WDR7: variants seen among roughly 807,000 people sequenced by gnomAD.
WDR7 encodes the protein WD repeat domain 7, also known as WD repeat-containing protein 7.
WDR7 carries 46 observed loss-of-function variants against 169.4 expected under a neutral mutation model. The observed-to-expected ratio is 0.27, with a 90% CI of 0.21 to 0.35. The LOEUF is 0.35. Ranked by LOEUF, WDR7 falls within the 10% of genes least tolerant of loss-of-function variation. WDR7 has a pLI of 1.00. For missense variants in WDR7, 1,534 were observed against 1,859.3 expected (o/e 0.83, Z 3.22); for synonymous variants, 612 against 666.8 (o/e 0.92, Z 1.27).
At chr18:56,702,660 T>C (rs943512489) in intron 12 of WDR7, among the ~76,000 whole-genome samples, 1 of 152,216 alleles carries the variant, frequency 6.6e-6, no homozygotes, top group Non-Finnish European at 1.5e-5. Context: ...TGTGATACCA[T>C]TTATTTACAT....
intron 20 of WDR7, among the ~76,000 whole-genome samples, chr18:56,820,094 A>G (rs964409821): frequency 2.6e-5 from 4 of 151,960 alleles, no homozygotes; most frequent in African/African-American, 7.3e-5. Flanking sequence ...ATGGTACAGT[A>G]TAGCATTCTG....
intron 26 of WDR7, among the ~76,000 whole-genome samples, chr18:56,996,215 A>G (rs2047897293): frequency 6.6e-6 from 1 of 152,164 alleles, no homozygotes. Flanking sequence ...TTGTTCATCA[A>G]GCATCTACTG....
chr18:56,885,329 A>G (rs1251309871), intron 21 of WDR7, among the ~76,000 whole-genome samples: 1 of 152,162 alleles, frequency 6.6e-6, no homozygotes, highest in African/African-American at 2.4e-5. Context: ...TCAATTATTA[A>G]GCTAATCAAG....
intron 26 of WDR7, among the ~76,000 whole-genome samples, chr18:57,010,771 T>A (rs1157100286): frequency 6.6e-6 from 1 of 152,192 alleles, no homozygotes; most frequent in African/African-American, 2.4e-5. Context: ...AGTTCCTGAT[T>A]ATCTGCAGCA....
At chr18:56,932,153 T>G (rs1277356499) in intron 22 of WDR7, among the ~76,000 whole-genome samples, 1 of 152,298 alleles carries the variant, frequency 6.6e-6, no homozygotes, top group East Asian at 1.9e-4. Flanking sequence ...ACTTTTGCAC[T>G]GTGGATGCCA....
At chr18:56,867,656 A>C (rs1187332091) in intron 20 of WDR7, among the ~76,000 whole-genome samples, 2 of 152,224 alleles carry the variant, frequency 1.3e-5, no homozygotes, top group African/African-American at 4.8e-5. Context: ...ATCTGACTAC[A>C]TACATATCTA....
intron 20 of WDR7, among the ~76,000 whole-genome samples, chr18:56,866,392 G>A (rs922260094): frequency 1.3e-5 from 2 of 151,400 alleles, no homozygotes; most frequent in South Asian, 2.1e-4. Context: ...ATATAATTAT[G>A]TCATTATAAC....
chr18:56,699,898 T>TCC (rs2025784637), intron 12 of WDR7: 1 of 984,520 alleles, frequency 1.0e-6, no homozygotes, highest in Admixed American at 6.1e-5. Context: ...CTTTTCAAAC[T>TCC]CCACATACAT....
intron 26 of WDR7, among the ~76,000 whole-genome samples, chr18:56,970,973 T>TA (rs1288784147): frequency 3.9e-5 from 6 of 152,098 alleles, no homozygotes; most frequent in Non-Finnish European, 7.4e-5. Context: ...GGTATTCTCA[T>TA]AAAAAATGGA....
chr18:56,675,568 A>G (rs1391248310), intron 2 of WDR7, among the ~76,000 whole-genome samples: 1 of 151,636 alleles, frequency 6.6e-6, no homozygotes, highest in African/African-American at 2.4e-5. Flanking sequence ...GTATCTTACA[A>G]CCTTATTGGA....
chr18:56,738,332 G>T (rs1188540559), intron 14 of WDR7, among the ~76,000 whole-genome samples: 1 of 152,170 alleles, frequency 6.6e-6, no homozygotes, highest in Admixed American at 6.5e-5. Flanking sequence ...CACATTGGGA[G>T]GCCGAGGTAG....
intron 21 of WDR7, among the ~76,000 whole-genome samples, chr18:56,905,414 G>T (rs1445006169): frequency 6.6e-6 from 1 of 152,138 alleles, no homozygotes; most frequent in Non-Finnish European, 1.5e-5. Context: ...CTCCCAAAGT[G>T]CTGGGATTAC....
intron 21 of WDR7, among the ~76,000 whole-genome samples, chr18:56,899,884 C>G (rs1223745027): frequency 6.6e-6 from 1 of 151,788 alleles, no homozygotes; most frequent in Non-Finnish European, 1.5e-5. Flanking sequence ...AAACAAGTAA[C>G]TTTAGAAATA....
intron 19 of WDR7, among the ~76,000 whole-genome samples, chr18:56,784,608 A>G (rs1193243802): frequency 6.6e-6 from 1 of 152,232 alleles, no homozygotes; most frequent in Non-Finnish European, 1.5e-5. Flanking sequence ...ATGAGTAGAT[A>G]CTTAGCTTAA....
At position 56,717,817 on chromosome 18, in the gene WDR7, G is replaced by A. The variant is rs2026225546; in HGVS notation, c.1579-147G>A. The A allele has an allele frequency of 2.2e-5, 14 of 631,116 alleles. No homozygotes were observed. The South Asian group carries it at 4.4e-4, about 20-fold the overall frequency. 39.1% of individuals were successfully genotyped at this position (631,116 alleles called of 1,614,324 possible). A position where few individuals can be genotyped will look rare whatever the true frequency, so the allele number is the denominator to read the frequency against. ...TCTGGGTTTTATGTATAATATAAAG[G>A]AACATACTTTTCAACATGACCTAAT... On this transcript the variant is annotated intron_variant, in intron 12 of 27. Coordinates refer to ENST00000254442, the MANE Select transcript of WDR7 (RefSeq NM_015285.3).
At chr18:56,708,431 A>G (rs1305832792) in intron 12 of WDR7, among the ~76,000 whole-genome samples, 2 of 152,174 alleles carry the variant, frequency 1.3e-5, no homozygotes, top group Non-Finnish European at 1.5e-5. Flanking sequence ...TGTGGTTGCC[A>G]TTTAAGTTCT....
At chr18:56,750,081 C>A (rs1447224739) in intron 14 of WDR7, among the ~76,000 whole-genome samples, 1 of 151,812 alleles carries the variant, frequency 6.6e-6, no homozygotes, top group Non-Finnish European at 1.5e-5. Flanking sequence ...ACAGGTTAAT[C>A]TCATGAATCA....
intron 1 of WDR7, among the ~76,000 whole-genome samples, chr18:56,657,325 T>G (rs2024799663): frequency 6.6e-6 from 1 of 152,014 alleles, no homozygotes; most frequent in South Asian, 2.1e-4. Context: ...ACCCGGCCAA[T>G]TTTTGTATTT....
intron 1 of WDR7, among the ~76,000 whole-genome samples, chr18:56,670,595 C>T (rs894450895): frequency 3.3e-5 from 5 of 152,176 alleles, no homozygotes; most frequent in Admixed American, 2.6e-4. Flanking sequence ...ACTGCAACCT[C>T]TGCCTCCCGG....
Sources: allele counts gnomAD v4.1 joint callset (sites outside exome capture counted in the v4.1 genomes callset), GRCh38; gene constraint gnomAD v4.1.1; transcripts MANE v1.5; gene names NCBI Gene and HGNC (gene_info 2026-07-23, HGNC 2026-07-21).